The following TFRC variants were observed in gnomAD, a reference collection of about 807,000 sequenced individuals.
The protein encoded by TFRC is transferrin receptor protein 1.
TFRC carries 35 observed loss-of-function variants against 85.8 expected under a neutral mutation model. The observed-to-expected ratio is 0.41, with a 90% confidence interval of 0.31 to 0.54. The LOEUF (loss-of-function observed/expected upper bound fraction) is 0.54, where lower values mean the gene tolerates loss of function less well. Among genes scored for constraint, TFRC ranks in the 20% least tolerant of loss-of-function variants. The pLI is 0.31. For missense variants in TFRC, 828 were observed against 921.5 expected (o/e 0.90, Z 1.31); for synonymous variants, 362 against 328.6 (o/e 1.10, Z -1.10).
In TFRC at chr3:196,074,024, C is replaced by A; in HGVS notation, c.340G>T (p.Glu114Ter). The change falls in exon 4 of 19, where the codon GAG (glutamate) becomes TAG (stop). Residue 114 changes from glutamate (E) to a stop codon, truncating the protein, a stop_gained. Transcript: ENST00000360110. LOFTEE classifies it high-confidence loss of function. ...TESPVREEPGEDFPAARRLYW... is the reference protein window; with the variant it reads ...TESPVREEPG Reference sequence around the variant, plus strand: ...AAGCGACGTGCTGCAGGGAAGTCCTCTCCTGGCTCCTCCCTCACTGGAGAC... The same window carrying A: ...AAGCGACGTGCTGCAGGGAAGTCCTATCCTGGCTCCTCCCTCACTGGAGAC... 1 of 1,614,204 alleles carries A rather than the reference C, an allele frequency of 6.2e-7. No individual in the cohort carries two copies.
chr3:196,057,512 G>A (rs908747789), intron 16 of TFRC, among the ~76,000 whole-genome samples: 7 of 152,076 alleles, frequency 4.6e-5, no homozygotes, highest in Non-Finnish European at 8.8e-5. Context: ...GTGTCTGAGG[G>A]GATTTGTCTG....
chr3:196,081,283 C>A (rs1382184392), intron 1 of TFRC, among the ~76,000 whole-genome samples: 1 of 152,208 alleles, frequency 6.6e-6, no homozygotes, highest in East Asian at 1.9e-4. Context: ...GGCGTTCAGT[C>A]GGATTCTGCC....
At chr3:196,072,705 A>G (rs1718311965) in intron 4 of TFRC, 1 of 148,132 alleles carries the variant, frequency 6.8e-6, no homozygotes, top group African/African-American at 2.6e-5. Context: ...GCCATAACTT[A>G]AGACTAAAGA....
chr3:196,069,418 AAG>A, intron 7 of TFRC, 35 bp downstream of exon 7: 1 of 1,238,882 alleles, frequency 8.1e-7, no homozygotes, highest in Non-Finnish European at 1.2e-6. Flanking sequence ...AAGATACCAA[AAG>A]TACTGTATTT....
At chr3:196,073,384 G>A (rs1678020115) in intron 4 of TFRC, among the ~76,000 whole-genome samples, 1 of 151,846 alleles carries the variant, frequency 6.6e-6, no homozygotes, top group African/African-American at 2.4e-5. Flanking sequence ...AAGCTGCGGT[G>A]AGATGAGAGC....
At chr3:196,058,220 C>G (rs1222882093) in intron 16 of TFRC, 64 bp downstream of exon 16, 1 of 1,398,286 alleles carries the variant, frequency 7.2e-7, no homozygotes, top group East Asian at 2.3e-5. Context: ...GCCCTATTCC[C>G]AAATACAGAT....
rs1028176886 is a variant in TFRC at position 196,067,920 on chromosome 3, C to A, written c.900+112G>T. ...CTATCTTCTTGCTTACTGCTAACGC[C>A]CTCCCAGAAAAAAGAGCAGTTAAGG... On this transcript the variant is annotated intron_variant, in intron 8 of 18. Coordinates refer to ENST00000360110, the MANE Select transcript of TFRC (RefSeq NM_001128148.3). The A allele has an allele frequency of 3.4e-6, 3 of 874,418 alleles. No homozygotes were observed. The Admixed American group carries it at 8.4e-5, about 24-fold the overall frequency. The allele number at this position is 874,418 out of a possible 1,614,324, so 54.2% of individuals were successfully genotyped here. A position where few individuals can be genotyped will look rare whatever the true frequency, so the allele number is the denominator to read the frequency against.
rs1716118965 is a variant in TFRC at position 196,049,530 on chromosome 3, G to T, written c.*2412C>A. The T allele has an allele frequency of 4.5e-6, 1 of 220,628 alleles. No individual in the cohort carries two copies. The highest frequency in any genetic ancestry group is 1.8e-4 in the South Asian group (1 of 5,442). The allele number at this position is 220,628 out of a possible 1,614,324, so 13.7% of individuals were successfully genotyped here. On this transcript the variant is annotated 3_prime_UTR_variant, in exon 19 of 19. Coordinates refer to ENST00000360110, the MANE Select transcript of TFRC (RefSeq NM_001128148.3). ...TTAACGAGAAGACATCTCAAGACCAGGAGCTTGTCACTAGTCTGATATTTC... is the reference window on the plus strand; with the variant it reads ...TTAACGAGAAGACATCTCAAGACCATGAGCTTGTCACTAGTCTGATATTTC...
At chr3:196,054,878 G>A (rs1016369060) in intron 17 of TFRC, among the ~76,000 whole-genome samples, 1 of 152,206 alleles carries the variant, frequency 6.6e-6, no homozygotes, top group Non-Finnish European at 1.5e-5. Context: ...AACACCTGCT[G>A]AGCTCTGTCC....
intron 13 of TFRC, 40 bp from the exon 14 acceptor site, chr3:196,060,287 C>G: frequency 6.5e-7 from 1 of 1,547,044 alleles, no homozygotes; most frequent in Non-Finnish European, 8.9e-7. Flanking sequence ...TTCTCCATTC[C>G]GATAATTTTC....
chr3:196,052,037 G>C lies in TFRC; in HGVS notation c.2188C>G (p.Leu730Val). ...GCTAGAGCCAACTGGTTTCTGAACA[G>C]CGTTTCATTAAAAGCACCGTTATTT... The part of the protein sequence containing the change: ...KQNNGAFNET[L>V]FRNQLALATW... The change falls in exon 19 of 19, where the codon CTG (leucine) becomes GTG (valine). Residue 730 changes from leucine (L) to valine (V), a missense_variant. Physicochemically the swap from Leu to Val is conservative, Grantham distance 32. Coordinates refer to ENST00000360110, the MANE Select transcript of TFRC (RefSeq NM_001128148.3). 1 of 1,614,180 alleles carries C rather than the reference G, an allele frequency of 6.2e-7. No homozygotes were observed. Among genetic ancestry groups the C allele is most frequent in the Non-Finnish European group, 8.5e-7 (1 of 1,180,026 alleles).
intron 7 of TFRC, among the ~76,000 whole-genome samples, chr3:196,068,942 A>AAG (rs1553797284): frequency 2.6e-5 from 4 of 151,418 alleles, no homozygotes; most frequent in African/African-American, 7.3e-5. Flanking sequence ...AAAAAAAAAA[A>AAG]AAAGAAAAGA....
chr3:196,062,171 T>C (rs1241128634), intron 13 of TFRC, among the ~76,000 whole-genome samples: 2 of 151,868 alleles, frequency 1.3e-5, no homozygotes, highest in Non-Finnish European at 1.5e-5. Flanking sequence ...TGAGCCAAGA[T>C]TGTGCCACTG....
At chr3:196,072,419 T>C (rs1332768133) in intron 4 of TFRC, among the ~76,000 whole-genome samples, 2 of 152,108 alleles carry the variant, frequency 1.3e-5, no homozygotes, top group African/African-American at 2.4e-5. Context: ...CTTAGGATAG[T>C]TTTAGGGGAA....
Position 196,052,025 on chromosome 3 carries a change from G to A in TFRC, c.2200C>T (p.Gln734Ter), listed in dbSNP as rs1716351290. The A allele has an allele frequency of 1.2e-6, 2 of 1,614,062 alleles. No homozygotes were observed. The highest frequency in any genetic ancestry group is 1.7e-6 in the Non-Finnish European group (2 of 1,180,052). ...GAFNETLFRN[Q>*]LALATWTIQG... ...ATAGTCCAAGTAGCTAGAGCCAACT[G>A]GTTTCTGAACAGCGTTTCATTAAAA... The change falls in exon 19 of 19, where the codon CAG becomes TAG. Residue 734 changes from glutamine to a stop codon, truncating the protein, a stop_gained. Transcript: ENST00000360110. LOFTEE classifies it high-confidence loss of function.
intron 14 of TFRC, 80 bp downstream of exon 14, chr3:196,060,100 T>C: frequency 1.8e-6 from 2 of 1,127,216 alleles, no homozygotes; most frequent in Non-Finnish European, 2.6e-6. Context: ...CTGACTACGG[T>C]TTACATATCA....
chr3:196,075,618 C>T (rs1718621267), intron 2 of TFRC, among the ~76,000 whole-genome samples: 1 of 150,830 alleles, frequency 6.6e-6, no homozygotes, highest in Non-Finnish European at 1.5e-5. Context: ...GGATGGAGTA[C>T]AGTGGTGTGA....
At chr3:196,064,878 T>C (rs1471532357) in intron 10 of TFRC, among the ~76,000 whole-genome samples, 1 of 152,214 alleles carries the variant, frequency 6.6e-6, no homozygotes, top group Non-Finnish European at 1.5e-5. Context: ...TTATCACTGG[T>C]CTAGTCAATA....
intron 13 of TFRC, 81 bp from the exon 14 acceptor site, chr3:196,060,328 G>A: frequency 8.7e-7 from 1 of 1,150,670 alleles, no homozygotes; most frequent in Non-Finnish European, 1.3e-6. Context: ...ATAAGTACTT[G>A]ACAAATAAGA....
Sources: gnomAD v4.1 joint callset for allele counts (sites outside exome capture counted in the v4.1 genomes callset) on GRCh38, gnomAD v4.1.1 for gene constraint, MANE v1.5 for transcripts, NCBI Gene and HGNC (gene_info 2026-07-23, HGNC 2026-07-21) for gene names.